RBFOX1: variants seen among roughly 807,000 people sequenced by gnomAD.
The protein encoded by RBFOX1 is RNA binding protein fox-1 homolog 1.
A neutral mutation model predicts 57.7 loss-of-function variants in RBFOX1; 8 were observed. That is an observed-to-expected ratio of 0.14 (90% CI 0.08 to 0.25). The LOEUF is 0.25. RBFOX1 is among the 10% of genes least tolerant of loss of function. The pLI is 1.00. For missense variants in RBFOX1, 611 were observed against 548.5 expected (o/e 1.11, Z -1.14); for synonymous variants, 326 against 222.4 (o/e 1.47, Z -4.15).
At chr16:6,054,021 C>T (rs997016877) in intron 1 of RBFOX1, among the ~76,000 whole-genome samples, 1 of 152,022 alleles carries the variant, frequency 6.6e-6, no homozygotes, top group African/African-American at 2.4e-5. Flanking sequence ...TGTACTCCAG[C>T]CTGCGCAACA....
At chr16:7,221,064 C>G (rs1005750674) in intron 4 of RBFOX1, among the ~76,000 whole-genome samples, 2 of 152,108 alleles carry the variant, frequency 1.3e-5, no homozygotes, top group Non-Finnish European at 2.9e-5. Flanking sequence ...TGTTCGCTGT[C>G]TTCATTAAAA....
intron 1 of RBFOX1, among the ~76,000 whole-genome samples, chr16:5,274,134 A>G (rs2063083894): frequency 6.6e-6 from 1 of 152,120 alleles, no homozygotes; most frequent in Non-Finnish European, 1.5e-5. Context: ...CTCCATATAG[A>G]CATATCCATC....
intron 4 of RBFOX1, among the ~76,000 whole-genome samples, chr16:6,000,473 A>C (rs997438655): frequency 2.6e-5 from 4 of 152,136 alleles, no homozygotes; most frequent in African/African-American, 9.7e-5. Context: ...GGAGAGTATA[A>C]AATTGGATCC....
intron 4 of RBFOX1, among the ~76,000 whole-genome samples, chr16:5,940,359 G>A (rs1179334910): frequency 6.6e-5 from 10 of 152,136 alleles, no homozygotes; most frequent in Non-Finnish European, 1.2e-4. Flanking sequence ...CATGCCCTAA[G>A]AGCCCAATGT....
chr16:5,454,986 T>A (rs1042590764), intron 1 of RBFOX1, among the ~76,000 whole-genome samples: 1 of 102,094 alleles, frequency 9.8e-6, no homozygotes, highest in Non-Finnish European at 2.1e-5. Flanking sequence ...TTTCTTTCTT[T>A]CTTTCTTTCT....
At chr16:6,176,916 T>A (rs1181408883) in intron 1 of RBFOX1, among the ~76,000 whole-genome samples, 1 of 152,174 alleles carries the variant, frequency 6.6e-6, no homozygotes, top group Non-Finnish European at 1.5e-5. Flanking sequence ...CTGTTTTTGT[T>A]TACTGTGACA....
At chr16:6,913,483 A>C (rs2072255254) in intron 3 of RBFOX1, among the ~76,000 whole-genome samples, 1 of 151,582 alleles carries the variant, frequency 6.6e-6, no homozygotes, top group Admixed American at 6.6e-5. Context: ...CCTTCTTCAC[A>C]CCCCCACAAC....
At chr16:5,746,300 C>G (rs1286202360) in intron 3 of RBFOX1, among the ~76,000 whole-genome samples, 1 of 152,108 alleles carries the variant, frequency 6.6e-6, no homozygotes, top group Admixed American at 6.6e-5. Context: ...TGGTCTATAT[C>G]TCTGTTTTTG....
intron 4 of RBFOX1, among the ~76,000 whole-genome samples, chr16:7,396,507 A>G (rs1302961190): frequency 1.3e-5 from 2 of 152,196 alleles, no homozygotes; most frequent in Non-Finnish European, 2.9e-5. Context: ...GTGGATGCTC[A>G]GGACACAGTC....
chr16:6,736,544 T>C (rs1312210576), intron 3 of RBFOX1, among the ~76,000 whole-genome samples: 2 of 152,252 alleles, frequency 1.3e-5, no homozygotes. Context: ...CTCAATTTCT[T>C]TATTCACTCA....
At chr16:7,421,469 G>C (rs903482973) in intron 4 of RBFOX1, among the ~76,000 whole-genome samples, 1 of 152,190 alleles carries the variant, frequency 6.6e-6, no homozygotes, top group African/African-American at 2.4e-5. Context: ...TGAATGTTTG[G>C]TGAGATTAGC....
intron 2 of RBFOX1, among the ~76,000 whole-genome samples, chr16:6,441,068 G>A (rs1021004260): frequency 2.0e-5 from 3 of 151,598 alleles, no homozygotes; most frequent in Non-Finnish European, 4.4e-5. Flanking sequence ...CCGTCCAAGA[G>A]TGATGACCAG....
chr16:5,756,423 C>T (rs1455802814), intron 3 of RBFOX1, among the ~76,000 whole-genome samples: 1 of 151,978 alleles, frequency 6.6e-6, no homozygotes, highest in Non-Finnish European at 1.5e-5. Context: ...TTGCTTAGAC[C>T]TGGTTTCTTC....
chr16:7,443,843 T>C (rs1364915585), intron 4 of RBFOX1, among the ~76,000 whole-genome samples: 1 of 152,180 alleles, frequency 6.6e-6, no homozygotes, highest in African/African-American at 2.4e-5. Flanking sequence ...ACCTTGAGGC[T>C]AATTAGGGAT....
intron 1 of RBFOX1, among the ~76,000 whole-genome samples, chr16:5,258,943 C>G (rs1320628905): frequency 6.6e-6 from 1 of 151,764 alleles, no homozygotes; most frequent in Non-Finnish European, 1.5e-5. Context: ...TCACTGTGGT[C>G]TTATAATAAA....
At chr16:7,421,428 A>G (rs990671438) in intron 4 of RBFOX1, among the ~76,000 whole-genome samples, 24 of 152,312 alleles carry the variant, frequency 1.6e-4, no homozygotes, top group South Asian at 2.1e-4. Context: ...CCATACGTAC[A>G]CATATTTCCA....
chr16:7,546,052 C>T (rs1318775999), intron 5 of RBFOX1, among the ~76,000 whole-genome samples: 1 of 151,090 alleles, frequency 6.6e-6, no homozygotes, highest in Non-Finnish European at 1.5e-5. Context: ...TCAGGCCAGG[C>T]ACAGTGGCTC....
At chr16:6,396,397 G>T (rs2092836705) in intron 2 of RBFOX1, among the ~76,000 whole-genome samples, 1 of 152,150 alleles carries the variant, frequency 6.6e-6, no homozygotes, top group African/African-American at 2.4e-5. Flanking sequence ...AAAGACAGAT[G>T]TCCAGAATAG....
At chr16:6,044,576 A>G (rs147866392) in intron 1 of RBFOX1, among the ~76,000 whole-genome samples, 1 of 152,248 alleles carries the variant, frequency 6.6e-6, no homozygotes, top group Non-Finnish European at 1.5e-5. Flanking sequence ...GCATTCCACA[A>G]GTAAACAGCA....
Sources: gnomAD v4.1 joint callset for allele counts (sites outside exome capture counted in the v4.1 genomes callset) on GRCh38, gnomAD v4.1.1 for gene constraint, MANE v1.5 for transcripts, NCBI Gene and HGNC (gene_info 2026-07-23, HGNC 2026-07-21) for gene names.